AREG: variants seen among roughly 807,000 people sequenced by gnomAD.
The protein encoded by AREG is amphiregulin B.
AREG carries 16 observed loss-of-function variants against 28.0 expected under a neutral mutation model. The ratio of observed to expected loss-of-function variants is 0.57; its 90% CI spans 0.39 to 0.87. The LOEUF (loss-of-function observed/expected upper bound fraction) is 0.87. Among genes scored for constraint, AREG ranks in the 40% least tolerant of loss-of-function variants. The probability of loss-of-function intolerance (pLI) is 0.00; values close to 1 mark genes in which losing one functional copy is unlikely to be tolerated. For missense variants in AREG, 287 were observed against 309.1 expected (o/e 0.93, Z 0.53); for synonymous variants, 113 against 113.5 (o/e 1.00, Z 0.02).
At chr4:74,445,782 C>T (rs1342063356) in intron 1 of AREG, among the ~76,000 whole-genome samples, 1 of 152,148 alleles carries the variant, frequency 6.6e-6, no homozygotes, top group Non-Finnish European at 1.5e-5. Flanking sequence ...CCATCTCTGT[C>T]TAGTGATTTC....
chr4:74,453,571 A>G (rs1276356821), intron 5 of AREG, among the ~76,000 whole-genome samples: 1 of 152,286 alleles, frequency 6.6e-6, no homozygotes, highest in East Asian at 1.9e-4. Context: ...AAGAAAGATG[A>G]TGTCATTTCA....
At chr4:74,453,401 A>G (rs1332757325) in intron 5 of AREG, among the ~76,000 whole-genome samples, 1 of 152,194 alleles carries the variant, frequency 6.6e-6, no homozygotes, top group Non-Finnish European at 1.5e-5. Context: ...AGAACTGAGC[A>G]TGTTGTAGGT....
Position 74,446,558 on chromosome 4 carries a change from T to G in AREG, c.86T>G (p.Leu29Arg). Residue 29 changes from leucine (L) to arginine (R), a missense_variant, in exon 2 of 6, where the codon CTC becomes CGC. Coordinates refer to ENST00000395748, the MANE Select transcript of AREG (RefSeq NM_001657.4). Reference sequence around the variant, plus strand: ...GGCCATTATGCTGCTGGATTGGACCTCAATGACACCTACTCTGGGAAGCGT... The same window carrying G: ...GGCCATTATGCTGCTGGATTGGACCGCAATGACACCTACTCTGGGAAGCGT... ...GSGHYAAGLD[L>R]NDTYSGKREP... is the part of the protein sequence containing the mutation. 6.2e-7 allele frequency: 1 copy of G among 1,613,946 alleles called. No homozygotes were observed. The highest frequency in any genetic ancestry group is 8.5e-7 in the Non-Finnish European group (1 of 1,179,850).
At chr4:74,450,078 A>G (rs1719358289) in intron 3 of AREG, among the ~76,000 whole-genome samples, 1 of 152,150 alleles carries the variant, frequency 6.6e-6, no homozygotes, top group Non-Finnish European at 1.5e-5. Flanking sequence ...TAGCACATTA[A>G]ATAATATTGG....
chr4:74,454,705 A>G (rs1246409), intron 5 of AREG, 54 bp from the exon 6 acceptor site: 29,915 of 644,808 alleles, frequency 0.046, 1,120 homozygotes, highest in African/African-American at 0.12. Context: ...AATTGAGCTT[A>G]TCTGTAACAT....
chr4:74,453,084 C>A (rs887634064), intron 5 of AREG, among the ~76,000 whole-genome samples: 1 of 152,114 alleles, frequency 6.6e-6, no homozygotes, highest in Admixed American at 6.6e-5. Flanking sequence ...CGTTGAAGGA[C>A]TAGTGAGATT....
At position 74,449,703 on chromosome 4, in the gene AREG, C is replaced by T. The variant is rs28743769; in HGVS notation, c.512+455C>T. On this transcript the variant is annotated intron_variant, in intron 3 of 5. Transcript: ENST00000395748. ...TCAGGAGGTTGAGACTGCAGTGAGC[C>T]GTGATCGCACCACTACACTCCAGCC... Among the ~76,000 whole-genome samples the T allele has an allele frequency of 1.6e-3, 250 of 152,212 alleles. 2 individuals carry two copies. The highest frequency in any genetic ancestry group is 0.013 in the Admixed American group (196 of 15,278).
intron 1 of AREG, among the ~76,000 whole-genome samples, chr4:74,446,274 AT>A (rs1185344665): frequency 6.6e-6 from 1 of 152,176 alleles, no homozygotes; most frequent in African/African-American, 2.4e-5. Context: ...ATTTGGCGGG[AT>A]TTTTTTGATG....
At chr4:74,454,329 T>TA (rs1185805864) in intron 5 of AREG, among the ~76,000 whole-genome samples, 1 of 152,218 alleles carries the variant, frequency 6.6e-6, no homozygotes, top group Non-Finnish European at 1.5e-5. Flanking sequence ...GGGTGCCTAT[T>TA]AACTGGTAGT....
At chr4:74,446,391 A>G (rs1719286632) in intron 1 of AREG, 143 bp from the exon 2 acceptor site, 2 of 1,475,394 alleles carry the variant, frequency 1.4e-6, no homozygotes, top group African/African-American at 2.8e-5. Context: ...AGTTTCTTTC[A>G]TAGAAATGAC....
In AREG at chr4:74,453,240, C is replaced by T. The variant is rs1033150912; in HGVS notation, c.*18+585C>T. On this transcript the variant is annotated intron_variant, in intron 5 of 5. Coordinates refer to ENST00000395748, the MANE Select transcript of AREG (RefSeq NM_001657.4). ...TAGGTTGAGCTCACATGGTGGAGAGCCACAGTTGCGGGTGCTTGCACTGAT... is the reference window on the plus strand; with the variant it reads ...TAGGTTGAGCTCACATGGTGGAGAGTCACAGTTGCGGGTGCTTGCACTGAT... Among the ~76,000 whole-genome samples, 36 of 152,220 alleles carry T rather than the reference C, an allele frequency of 2.4e-4. No homozygotes were observed. In the South Asian group the frequency reaches 5.2e-3, roughly 22 times the overall value.
chr4:74,452,735 T>C, intron 5 of AREG, 80 bp downstream of exon 5: 2 of 1,249,012 alleles, frequency 1.6e-6, no homozygotes, highest in Non-Finnish European at 2.2e-6. Flanking sequence ...AAGAAAAATA[T>C]GGAATGTGTT....
chr4:74,445,534 A>C (rs2110410338), intron 1 of AREG, 128 bp downstream of exon 1: 2 of 1,498,392 alleles, frequency 1.3e-6, no homozygotes, highest in Non-Finnish European at 1.8e-6. Flanking sequence ...GGAGGTGATC[A>C]CTGTAGCTCC....
At chr4:74,454,405 A>C (rs1393032058) in intron 5 of AREG, among the ~76,000 whole-genome samples, 1 of 152,226 alleles carries the variant, frequency 6.6e-6, no homozygotes, top group Non-Finnish European at 1.5e-5. Context: ...ATGCTGAGAC[A>C]GTTAATCTTT....
intron 5 of AREG, among the ~76,000 whole-genome samples, chr4:74,454,027 C>A (rs954531847): frequency 1.3e-5 from 2 of 152,006 alleles, no homozygotes; most frequent in African/African-American, 4.8e-5. Context: ...ATGTACACTC[C>A]AGATGGTTCT....
chr4:74,448,378 A>T (rs1719325890), intron 2 of AREG, among the ~76,000 whole-genome samples: 1 of 152,222 alleles, frequency 6.6e-6, no homozygotes, highest in African/African-American at 2.4e-5. Context: ...TCTATCTTTG[A>T]TACCCTAGTT....
Position 74,454,824 on chromosome 4 carries a change from A to G in AREG, c.*84A>G, listed in dbSNP as rs964059244. 1.4e-6 allele frequency: 1 copy of G among 700,252 alleles called. No homozygotes were observed. Among genetic ancestry groups the G allele is most frequent in the African/African-American group, 1.7e-5 (1 of 57,222 alleles). The allele number at this position is 700,252 out of a possible 1,614,324, so 43.4% of individuals were successfully genotyped here. A position where few individuals can be genotyped will look rare whatever the true frequency, so the allele number is the denominator to read the frequency against. On this transcript the variant is annotated 3_prime_UTR_variant, in exon 6 of 6. Transcript: ENST00000395748. ...GATGAGTCGGTCCTCTTTCCAGTGG[A>G]TCATAAGACAATGGACCCTTTTTGT... is the stretch of plus-strand genomic sequence containing the variant.
At chr4:74,454,183 T>A (rs914609095) in intron 5 of AREG, among the ~76,000 whole-genome samples, 28 of 152,342 alleles carry the variant, frequency 1.8e-4, no homozygotes, top group Non-Finnish European at 1.8e-4. Flanking sequence ...AAATTTTTAA[T>A]GTATTGGCTA....
rs1560613152 is a variant in AREG, at chr4:74,445,339, A to G, written c.-7A>G. On this transcript the variant is annotated 5_prime_UTR_variant, in exon 1 of 6. Coordinates refer to ENST00000395748, the MANE Select transcript of AREG (RefSeq NM_001657.4). ...AGAGACCGAGACGCCGCCGCTGCGAAGGACCAATGAGAGCCCCGCTGCTAC... is the reference window on the plus strand; with the variant it reads ...AGAGACCGAGACGCCGCCGCTGCGAGGGACCAATGAGAGCCCCGCTGCTAC... 8.7e-6 allele frequency: 14 copies of G among 1,609,984 alleles called. No homozygotes were observed. Among genetic ancestry groups the G allele is most frequent in the Non-Finnish European group, 1.1e-5 (13 of 1,179,306 alleles).
Sources: allele counts gnomAD v4.1 joint callset (sites outside exome capture counted in the v4.1 genomes callset), GRCh38; gene constraint gnomAD v4.1.1; transcripts MANE v1.5; gene names NCBI Gene and HGNC (gene_info 2026-07-23, HGNC 2026-07-21).